CAND1: variants seen among roughly 807,000 people sequenced by gnomAD.
The protein encoded by CAND1 is cullin-associated NEDD8-dissociated protein 1.
A neutral mutation model predicts 108.5 loss-of-function variants in CAND1; 7 were observed. The ratio of observed to expected loss-of-function variants is 0.06; its 90% CI spans 0.04 to 0.12. The LOEUF is 0.12. Ranked by LOEUF, CAND1 falls within the 10% of genes least tolerant of loss-of-function variation. The pLI is 1.00. For missense variants in CAND1, 941 were observed against 1,448.7 expected (o/e 0.65, Z 5.69); for synonymous variants, 534 against 512.0 (o/e 1.04, Z -0.58).
intron 4 of CAND1, chr12:67,297,151 T>C (rs1385823909): frequency 5.7e-6 from 3 of 526,740 alleles, no homozygotes; most frequent in Non-Finnish European, 1.0e-5. Context: ...CAATTAGATA[T>C]CCTATAATTG....
intron 1 of CAND1, among the ~76,000 whole-genome samples, chr12:67,281,493 T>G (rs1031013114): frequency 6.6e-6 from 1 of 152,216 alleles, no homozygotes; most frequent in Non-Finnish European, 1.5e-5. Flanking sequence ...AAGGGCTTCC[T>G]AGATAGAATT....
chr12:67,286,094 G>A lies in CAND1; in HGVS notation c.212+4041G>A, dbSNP rs192070574. On this transcript the variant is annotated intron_variant, in intron 2 of 14. Coordinates refer to ENST00000545606, the MANE Select transcript of CAND1 (RefSeq NM_018448.5). ...TGGATCTCTGCTCACTGCAAGCTCT[G>A]CCTCCCGGGTTCACTCCATTCTCCT... Among the ~76,000 whole-genome samples, 17 of 152,168 alleles carry A rather than the reference G, an allele frequency of 1.1e-4. No homozygotes were observed. In the East Asian group the frequency reaches 2.9e-3, roughly 26 times the overall value.
intron 11 of CAND1, among the ~76,000 whole-genome samples, chr12:67,307,935 A>T (rs1476538857): frequency 6.6e-6 from 1 of 152,072 alleles, no homozygotes. Flanking sequence ...TAAGGTCAAA[A>T]TAACCTAAGA....
chr12:67,283,172 C>A (rs1413230970), intron 2 of CAND1, among the ~76,000 whole-genome samples: 2 of 151,844 alleles, frequency 1.3e-5, no homozygotes, highest in Non-Finnish European at 2.9e-5. Flanking sequence ...TTTACATATC[C>A]CTTGTAAAAG....
chr12:67,291,678 GA>G (rs1565720726), intron 2 of CAND1, among the ~76,000 whole-genome samples: 2 of 152,164 alleles, frequency 1.3e-5, no homozygotes, highest in African/African-American at 4.8e-5. Context: ...GATAGGAAGG[GA>G]AAAAAATAAT....
rs986799015 is a variant in CAND1 at position 67,310,074 on chromosome 12, A to G, written c.3195+4A>G. Reference sequence around the variant, plus strand: ...TAGAAAGGAGCTTATAAGAGAGGTAAGTTAGATCACACTGTTTATTTGAGC... The same window carrying G: ...TAGAAAGGAGCTTATAAGAGAGGTAGGTTAGATCACACTGTTTATTTGAGC... On this transcript the variant is annotated splice_donor_region_variant and intron_variant, in intron 12 of 14. Coordinates refer to ENST00000545606, the MANE Select transcript of CAND1 (RefSeq NM_018448.5). 4.3e-6 allele frequency: 7 copies of G among 1,610,884 alleles called. No homozygotes were observed. The African/African-American group carries it at 9.4e-5, about 22-fold the overall frequency.
Position 67,305,359 on chromosome 12 carries a change from A to AT in CAND1, c.1692dup (p.Ile565TyrfsTer10), listed in dbSNP as rs1292416308. ...CCTTCCTCGTTTGATGCAACTCCTT[A>AT]TATCAAAGATCTATTTACCTGTACC... On this transcript the variant is annotated frameshift_variant, in exon 10 of 15. Coordinates refer to ENST00000545606, the MANE Select transcript of CAND1 (RefSeq NM_018448.5). LOFTEE classifies it high-confidence loss of function. This position sits in a 1 kb window ranked among gnomAD's most constrained non-coding sequence, Gnocchi z 4.4. 1 of 1,614,144 alleles carries AT rather than the reference A, an allele frequency of 6.2e-7. No homozygotes were observed. Among genetic ancestry groups the AT allele is most frequent in the Admixed American group, 1.7e-5 (1 of 60,026 alleles).
chr12:67,310,055 G>A lies in CAND1; in HGVS notation c.3180G>A (p.Lys1060=). The A allele has an allele frequency of 6.2e-7, 1 of 1,611,606 alleles. No homozygotes were observed. The highest frequency in any genetic ancestry group is 8.5e-7 in the Non-Finnish European group (1 of 1,178,668). ...TTTACAATGAAACAAAAGTTAGAAA[G>A]GAGCTTATAAGAGAGGTAAGTTAGA... ...PHLYNETKVR[K]ELIREVEMGP... Residue 1060 remains lysine (K), a synonymous_variant, in exon 12 of 15, where the codon AAG becomes AAA. Transcript: ENST00000545606.
intron 4 of CAND1, chr12:67,297,195 G>A (rs1284875377): frequency 1.6e-6 from 1 of 631,254 alleles, no homozygotes; most frequent in Admixed American, 2.5e-5. Context: ...AGTCAGTTTG[G>A]CAATGTAAAT....
chr12:67,306,127 A>G lies in CAND1; in HGVS notation c.2459A>G (p.Gln820Arg). Residue 820 changes from glutamine (Q) to arginine (R), a missense_variant, in exon 10 of 15, where the codon CAG (glutamine) becomes CGG (arginine). Physicochemically the swap from Gln to Arg is conservative, Grantham distance 43 (BLOSUM62 1). Coordinates refer to ENST00000545606, the MANE Select transcript of CAND1 (RefSeq NM_018448.5). ...CPKEGPAVVG[Q>R]FIQDVKNSRS... Reference sequence around the variant, plus strand: ...AAAGAGGGACCAGCTGTAGTAGGTCAGTTTATTCAAGATGTCAAGAACTCA... The same window carrying G: ...AAAGAGGGACCAGCTGTAGTAGGTCGGTTTATTCAAGATGTCAAGAACTCA... 6 of 1,614,114 alleles carry G rather than the reference A, an allele frequency of 3.7e-6. No homozygotes were observed. Among genetic ancestry groups the G allele is most frequent in the Non-Finnish European group, 5.1e-6 (6 of 1,179,974 alleles).
At chr12:67,274,512 C>G (rs2044551524) in intron 1 of CAND1, among the ~76,000 whole-genome samples, 1 of 152,210 alleles carries the variant, frequency 6.6e-6, no homozygotes, top group Non-Finnish European at 1.5e-5. Flanking sequence ...GGGACCTTGT[C>G]TTACTAAACG....
Position 67,318,388 on chromosome 12 carries a change from T to A in CAND1, c.*5558T>A, listed in dbSNP as rs571669520. The A allele has an allele frequency of 6.6e-6, 1 of 152,362 alleles. No individual in the cohort carries two copies. The highest frequency in any genetic ancestry group is 1.9e-4 in the East Asian group (1 of 5,190). The allele number at this position is 152,362 out of a possible 1,614,324, so 9.4% of individuals were successfully genotyped here. ...CAAATAATTTAACCTCAACTTTCCC[T>A]ATCTATAAAATGGGAATTAAAATAT... is the stretch of plus-strand genomic sequence containing the variant. On this transcript the variant is annotated 3_prime_UTR_variant, in exon 15 of 15. Coordinates refer to ENST00000545606, the MANE Select transcript of CAND1 (RefSeq NM_018448.5).
At chr12:67,278,063 G>T (rs2044585973) in intron 1 of CAND1, among the ~76,000 whole-genome samples, 1 of 152,222 alleles carries the variant, frequency 6.6e-6, no homozygotes, top group African/African-American at 2.4e-5. Flanking sequence ...TCCTGATATG[G>T]TCTACAAATC....
At chr12:67,301,701 A>T (rs2044826193) in intron 7 of CAND1, among the ~76,000 whole-genome samples, 1 of 152,184 alleles carries the variant, frequency 6.6e-6, no homozygotes, top group Admixed American at 6.5e-5. Context: ...AAGTACATTA[A>T]GACAAAATTG....
intron 2 of CAND1, among the ~76,000 whole-genome samples, chr12:67,287,164 A>G (rs1415910271): frequency 6.6e-6 from 1 of 152,198 alleles, no homozygotes; most frequent in Non-Finnish European, 1.5e-5. Context: ...ATCCCTGGCC[A>G]ATAGCATTCC....
At chr12:67,294,970 T>C in intron 3 of CAND1, 63 bp from the exon 4 acceptor site, 2 of 1,546,300 alleles carry the variant, frequency 1.3e-6, no homozygotes, top group Non-Finnish European at 1.8e-6. Context: ...GTAACTACCA[T>C]GAATATAAGA....
At chr12:67,307,592 T>C in intron 11 of CAND1, 100 bp downstream of exon 11, 1 of 735,992 alleles carries the variant, frequency 1.4e-6, no homozygotes, top group East Asian at 2.7e-5. Context: ...TTAAAATGCT[T>C]ATAAAATAAT....
At position 67,299,074 on chromosome 12, in the gene CAND1, G is replaced by T; in HGVS notation, c.979G>T (p.Gly327Cys). 6.5e-7 allele frequency: 1 copy of T among 1,535,718 alleles called. No homozygotes were observed. Among genetic ancestry groups the T allele is most frequent in the South Asian group, 1.2e-5 (1 of 86,804 alleles). ...AGATGAAAATGCAATGGATGCTGAT[G>T]GTGGTGATGATGATGATCAAGGTAT... is the stretch of plus-strand genomic sequence containing the variant. ...DEDENAMDADGGDDDDQGSDD... is the reference protein window; with the variant it reads ...DEDENAMDADCGDDDDQGSDD... Residue 327 changes from glycine (G) to cysteine (C), a missense_variant, in exon 7 of 15, where the codon GGT becomes TGT. Physicochemically the swap from Gly to Cys is radical, Grantham distance 159. This residue lies in a region of CAND1 where 697 missense variants were observed against 942.0 expected (regional missense o/e 0.74). Transcript: ENST00000545606.
intron 3 of CAND1, among the ~76,000 whole-genome samples, chr12:67,293,673 A>C (rs977808881): frequency 9.8e-5 from 15 of 152,318 alleles, no homozygotes; most frequent in South Asian, 2.1e-4. Context: ...GAATCACTTT[A>C]ACTCAGGAGG....
Sources: allele counts gnomAD v4.1 joint callset (sites outside exome capture counted in the v4.1 genomes callset), GRCh38; gene constraint gnomAD v4.1.1; regional missense constraint gnomAD v4.1.1; non-coding constraint Gnocchi (gnomAD v3.1); transcripts MANE v1.5; gene names NCBI Gene and HGNC (gene_info 2026-07-23, HGNC 2026-07-21).